CCAR1: variants seen among roughly 807,000 people sequenced by gnomAD.
CCAR1 encodes cell division cycle and apoptosis regulator protein 1.
Under a neutral mutation model 163.8 loss-of-function variants are expected in CCAR1, and 78 were observed. The observed-to-expected ratio is 0.48, with a 90% CI of 0.40 to 0.57. The LOEUF (loss-of-function observed/expected upper bound fraction) is 0.57. Among genes scored for constraint, CCAR1 ranks in the 20% least tolerant of loss-of-function variants. CCAR1 has a pLI of 0.00. For synonymous variants in CCAR1, 443 were observed against 460.7 expected (o/e 0.96, Z 0.49); for missense variants, 1,019 against 1,365.2 (o/e 0.75, Z 4.00).
chr10:68,779,408 A>G (rs983723770), intron 19 of CCAR1, among the ~76,000 whole-genome samples: 38 of 151,608 alleles, frequency 2.5e-4, no homozygotes, highest in African/African-American at 8.7e-4. Context: ...ACAGACATGC[A>G]CCACCATGCC....
chr10:68,776,087 C>G (rs1184532863), intron 19 of CCAR1, among the ~76,000 whole-genome samples: 3 of 152,014 alleles, frequency 2.0e-5, no homozygotes, highest in African/African-American at 7.2e-5. Flanking sequence ...CCTCAGCCTC[C>G]CAAAGTGCTG....
intron 1 of CCAR1, chr10:68,721,598 C>T (rs1044522579): frequency 4.5e-6 from 2 of 447,344 alleles, no homozygotes; most frequent in Non-Finnish European, 4.5e-6. Flanking sequence ...ACCCTCCTGG[C>T]CCCCCGGCCC....
chr10:68,759,606 C>G (rs1204239092), intron 15 of CCAR1, among the ~76,000 whole-genome samples: 3 of 151,742 alleles, frequency 2.0e-5, no homozygotes, highest in Non-Finnish European at 4.4e-5. Flanking sequence ...TGCCTATAGT[C>G]CTAGCTACTC....
At chr10:68,790,451 A>G (rs2056840376) in intron 24 of CCAR1, among the ~76,000 whole-genome samples, 1 of 152,094 alleles carries the variant, frequency 6.6e-6, no homozygotes, top group African/African-American at 2.4e-5. Context: ...CTTGAAGCAA[A>G]TTTCATTTTT....
intron 24 of CCAR1, 64 bp from the exon 25 acceptor site, chr10:68,791,143 A>G: frequency 1.0e-6 from 1 of 981,244 alleles, no homozygotes; most frequent in Non-Finnish European, 1.5e-6. Flanking sequence ...TTGTACTCTA[A>G]AATCAAAGTA....
intron 12 of CCAR1, chr10:68,755,098 T>C: frequency 4.5e-6 from 3 of 668,266 alleles, no homozygotes; most frequent in Non-Finnish European, 8.2e-6. Context: ...AGAGTGTCTT[T>C]GGATGTTGTT....
At chr10:68,748,225 C>T (rs2056283279) in intron 8 of CCAR1, among the ~76,000 whole-genome samples, 1 of 152,040 alleles carries the variant, frequency 6.6e-6, no homozygotes, top group African/African-American at 2.4e-5. Flanking sequence ...CACCGTAATC[C>T]CAGCACTTTT....
At chr10:68,723,409 G>A (rs1008412844) in intron 2 of CCAR1, among the ~76,000 whole-genome samples, 9 of 151,176 alleles carry the variant, frequency 6.0e-5, no homozygotes, top group South Asian at 2.1e-4. Context: ...GATTACAGGC[G>A]TAAGCCACCG....
chr10:68,728,370 C>A (rs1195557654), intron 2 of CCAR1, among the ~76,000 whole-genome samples: 1 of 148,920 alleles, frequency 6.7e-6, no homozygotes, highest in African/African-American at 2.5e-5. Flanking sequence ...TTTTTTTTTC[C>A]GTTGTTTTTG....
intron 2 of CCAR1, among the ~76,000 whole-genome samples, chr10:68,731,450 A>G (rs2056036381): frequency 6.6e-6 from 1 of 152,218 alleles, no homozygotes; most frequent in Non-Finnish European, 1.5e-5. Context: ...AAAAGATATA[A>G]TCACATTCAC....
intron 3 of CCAR1, among the ~76,000 whole-genome samples, 189 bp from the exon 4 acceptor site, chr10:68,737,656 G>A (rs2056129226): frequency 6.6e-6 from 1 of 151,648 alleles, no homozygotes; most frequent in African/African-American, 2.4e-5. Context: ...AAGTTTCACT[G>A]TTCCAGAAAA....
intron 19 of CCAR1, among the ~76,000 whole-genome samples, chr10:68,775,687 CTTTTTTTTTTT>C (rs71028782): frequency 1.5e-4 from 8 of 51,762 alleles, no homozygotes; most frequent in Admixed American, 3.5e-4. Context: ...TTTTTCTTTT[CTTTTTTTTTTT>C]TTTTTTTTTT....
chr10:68,735,264 C>T (rs2056093464), intron 2 of CCAR1, among the ~76,000 whole-genome samples: 1 of 151,890 alleles, frequency 6.6e-6, no homozygotes, highest in South Asian at 2.1e-4. Context: ...GGGAGGATCA[C>T]TTGAACCTGG....
chr10:68,786,651 G>A lies in CCAR1; in HGVS notation c.2839G>A (p.Glu947Lys). ...CGYLLEKDLEEILYTLGLHLS... is the reference protein window; with the variant it reads ...CGYLLEKDLEKILYTLGLHLS... ...TTACCTTCTTGAAAAGGATTTGGAA[G>A]AAATACTTTATACTCTTGGACTACA... Residue 947 changes from glutamate to lysine, a missense_variant, in exon 21 of 25, where the codon GAA (glutamate) becomes AAA (lysine). Physicochemically the swap from Glu to Lys is moderately conservative, Grantham distance 56 (BLOSUM62 1). Transcript: ENST00000265872. 6.2e-7 allele frequency: 1 copy of A among 1,604,348 alleles called. No individual in the cohort carries two copies.
rs933411163 is a variant in CCAR1, at chr10:68,766,190, T to TTTTTG, written c.2298+126_2298+130dup. ...CTTTGTTTTTCGCTTTTCGTGGTTT[T>TTTTTG]TTTTGTTTTGTTTTGTTTTTGTTTT... On this transcript the variant is annotated intron_variant, in intron 17 of 24. Coordinates refer to ENST00000265872, the MANE Select transcript of CCAR1 (RefSeq NM_018237.4). 65 of 747,044 alleles carry TTTTTG rather than the reference T, an allele frequency of 8.7e-5. 1 individual carries two copies. The highest frequency in any genetic ancestry group is 8.4e-4 in the South Asian group (41 of 48,830). 46.3% of individuals were successfully genotyped at this position (747,044 alleles called of 1,614,324 possible). A position where few individuals can be genotyped will look rare whatever the true frequency, so the allele number is the denominator to read the frequency against.
Position 68,788,270 on chromosome 10 carries a change from G to C in CCAR1, c.3129G>C (p.Lys1043Asn). The C allele has an allele frequency of 6.3e-7, 1 of 1,597,828 alleles. No individual in the cohort carries two copies. Among genetic ancestry groups the C allele is most frequent in the Non-Finnish European group, 8.5e-7 (1 of 1,175,334 alleles). Reference protein sequence around the residue: ...DVGSLLQKLEKSEKVRAEVEQ... With the variant: ...DVGSLLQKLENSEKVRAEVEQ... ...GAAGCCTCTTGCAAAAATTGGAAAA[G>C]AGCGAAAAAGTAAGAGCTGAGGTAG... The change falls in exon 23 of 25, where the codon AAG becomes AAC. Residue 1043 changes from lysine to asparagine, a missense_variant. Physicochemically the swap from Lys to Asn is moderately conservative, Grantham distance 94. Coordinates refer to ENST00000265872, the MANE Select transcript of CCAR1 (RefSeq NM_018237.4).
At position 68,771,445 on chromosome 10, in the gene CCAR1, GGTCT is replaced by G; in HGVS notation, c.2538+3_2538+6del. 6.4e-7 allele frequency: 1 copy of G among 1,572,606 alleles called. No homozygotes were observed. The highest frequency in any genetic ancestry group is 8.6e-7 in the Non-Finnish European group (1 of 1,162,912). Reference sequence around the variant, plus strand: ...AAAAAGAAGATAGAGATGAAAGGAAGGTCTGTAATAACAACCTGCTTTAGAAGCT... The same window carrying G: ...AAAAAGAAGATAGAGATGAAAGGAAGGTAATAACAACCTGCTTTAGAAGCT... On this transcript the variant is annotated splice_donor_variant and splice_donor_region_variant and intron_variant, in intron 18 of 24. Transcript: ENST00000265872. LOFTEE classifies it high-confidence loss of function.
At chr10:68,731,830 A>G (rs1260937775) in intron 2 of CCAR1, among the ~76,000 whole-genome samples, 1 of 151,890 alleles carries the variant, frequency 6.6e-6, no homozygotes, top group East Asian at 1.9e-4. Flanking sequence ...ACCTCAAGCA[A>G]TTCACCCACC....
chr10:68,746,829 C>T (rs1165613419), intron 6 of CCAR1, among the ~76,000 whole-genome samples: 2 of 152,184 alleles, frequency 1.3e-5, no homozygotes, highest in East Asian at 1.9e-4. Flanking sequence ...TCGCCTGTCT[C>T]GGCCTCCCAA....
Sources: gnomAD v4.1 joint callset for allele counts (sites outside exome capture counted in the v4.1 genomes callset) on GRCh38, gnomAD v4.1.1 for gene constraint, MANE v1.5 for transcripts, NCBI Gene and HGNC (gene_info 2026-07-23, HGNC 2026-07-21) for gene names.